The following SPTBN5 variants were observed in gnomAD, a reference collection of about 807,000 sequenced individuals.
The protein encoded by SPTBN5 is spectrin beta chain, non-erythrocytic 5.
A neutral mutation model predicts 477.6 loss-of-function variants in SPTBN5; 513 were observed. That is an observed-to-expected ratio of 1.07 (90% CI 1.00 to 1.16). The LOEUF is 1.16. Ranked by LOEUF, SPTBN5 falls within the 50% of genes most tolerant of loss-of-function variation. SPTBN5 has a pLI of 0.00. For synonymous variants in SPTBN5, 2,169 were observed against 2,011.7 expected (o/e 1.08, Z -2.09); for missense variants, 5,062 against 4,731.8 (o/e 1.07, Z -2.05).
At chr15:41,858,538 G>T (rs1182590585) in intron 49 of SPTBN5, 64 bp downstream of exon 49, 13 of 1,549,246 alleles carry the variant, frequency 8.4e-6, no homozygotes, top group Non-Finnish European at 1.1e-5. Flanking sequence ...CACCAGCTCT[G>T]GGGCACTGTC....
chr15:41,878,632 G>A lies in SPTBN5; in HGVS notation c.3183-3C>T. 2.5e-6 allele frequency: 4 copies of A among 1,608,194 alleles called. No homozygotes were observed. The highest frequency in any genetic ancestry group is 1.1e-5 in the South Asian group (1 of 90,522). On this transcript the variant is annotated splice_region_variant and splice_polypyrimidine_tract_variant and intron_variant, in intron 16 of 67. Coordinates refer to ENST00000320955, the MANE Select transcript of SPTBN5 (RefSeq NM_016642.4). ...CTGCGTAGCCTGGCTCCTCGACCCT[G>A]GGAGACAGGGTGCGCTGCACAGTCA...
At chr15:41,891,525 G>A (rs1052649954) in intron 3 of SPTBN5, among the ~76,000 whole-genome samples, 6 of 138,568 alleles carry the variant, frequency 4.3e-5, no homozygotes, top group Non-Finnish European at 6.2e-5. Context: ...GCGATGTCAC[G>A]CTGGTGGCTT....
Position 41,893,073 on chromosome 15 carries a change from A to G in SPTBN5, c.217-12T>C. Reference sequence around the variant, plus strand: ...ATCTTGATGCCCGCCTGGGGAGGGGACAGGGGTAAGTATGGGGTCAGCCCA... The same window carrying G: ...ATCTTGATGCCCGCCTGGGGAGGGGGCAGGGGTAAGTATGGGGTCAGCCCA... On this transcript the variant is annotated splice_polypyrimidine_tract_variant and intron_variant, in intron 2 of 67. Transcript: ENST00000320955. 1 of 1,609,060 alleles carries G rather than the reference A, an allele frequency of 6.2e-7. No homozygotes were observed. Among genetic ancestry groups the G allele is most frequent in the Non-Finnish European group, 8.5e-7 (1 of 1,179,398 alleles).
At position 41,882,160 on chromosome 15, in the gene SPTBN5, CG is replaced by C. The variant is rs1267236289; in HGVS notation, c.2248-16del. On this transcript the variant is annotated splice_polypyrimidine_tract_variant and intron_variant, in intron 11 of 67. Coordinates refer to ENST00000320955, the MANE Select transcript of SPTBN5 (RefSeq NM_016642.4). Reference sequence around the variant, plus strand: ...TCCGCGAAGTACTGTGGGAGGGGGTCGGGGGTGGTGTGGGTGAAGGGGCGCG... The same window carrying C: ...TCCGCGAAGTACTGTGGGAGGGGGTCGGGGTGGTGTGGGTGAAGGGGCGCG... 3.2e-6 allele frequency: 5 copies of C among 1,558,790 alleles called. No homozygotes were observed. Among genetic ancestry groups the C allele is most frequent in the Admixed American group, 1.8e-5 (1 of 55,994 alleles).
chr15:41,849,787 A>C (rs536838510), intron 67 of SPTBN5, 82 bp downstream of exon 67: 1 of 1,092,956 alleles, frequency 9.1e-7, no homozygotes, highest in South Asian at 1.3e-5. Context: ...GAGGCCCAGA[A>C]CCTCAGGCTT....
rs1245191979 is a variant in SPTBN5, at chr15:41,868,521, GC to G, written c.5933del (p.Gly1978AlafsTer3). 8 of 1,609,142 alleles carry G rather than the reference GC, an allele frequency of 5.0e-6. No homozygotes were observed. Among genetic ancestry groups the G allele is most frequent in the African/African-American group, 1.3e-5 (1 of 74,926 alleles). ...VEESSQEPSS[G>X]PLKLSAHQWL... Reference sequence around the variant, plus strand: ...ACTGGTGGGCACTGAGCTTCAGCGGGCCACTGCTAGGCTCTTGCGAACTCTC... The same window carrying G: ...ACTGGTGGGCACTGAGCTTCAGCGGGCACTGCTAGGCTCTTGCGAACTCTC... On this transcript the variant is annotated frameshift_variant, in exon 33 of 68. Transcript: ENST00000320955. LOFTEE classifies it high-confidence loss of function.
chr15:41,869,554 G>T (rs1774438949), intron 32 of SPTBN5, among the ~76,000 whole-genome samples: 1 of 152,228 alleles, frequency 6.6e-6, no homozygotes, highest in African/African-American at 2.4e-5. Context: ...TGGGTCTCCA[G>T]TTATGAGCTT....
At position 41,887,166 on chromosome 15, in the gene SPTBN5, T is replaced by C. The variant is rs1311450040; in HGVS notation, c.888+47A>G. ...AGGGCAGGCTTCACGCTTAGGCCTG[T>C]CTGCCTCTGGAGCCCTTGCTCACCC... On this transcript the variant is annotated intron_variant, in intron 6 of 67. Transcript: ENST00000320955. The C allele has an allele frequency of 5.3e-6, 8 of 1,519,738 alleles. No individual in the cohort carries two copies. In the South Asian group the frequency reaches 9.6e-5, roughly 18 times the overall value. 94.1% of individuals were successfully genotyped at this position (1,519,738 alleles called of 1,614,324 possible).
chr15:41,859,583 T>C (rs1404904780), intron 47 of SPTBN5, among the ~76,000 whole-genome samples: 1 of 152,118 alleles, frequency 6.6e-6, no homozygotes, highest in African/African-American at 2.4e-5. Context: ...TGTGACCTTA[T>C]GAGAGGAGGC....
chr15:41,858,526 A>AG (rs2065994352), intron 49 of SPTBN5, 76 bp downstream of exon 49: 1 of 1,511,356 alleles, frequency 6.6e-7, no homozygotes, highest in East Asian at 2.4e-5. Flanking sequence ...ACTGTGGTTC[A>AG]GCACCAGCTC....
chr15:41,849,606 A>G (rs1478805633), intron 67 of SPTBN5, among the ~76,000 whole-genome samples: 1 of 152,142 alleles, frequency 6.6e-6, no homozygotes, highest in Admixed American at 6.5e-5. Context: ...GAGCCTGGGC[A>G]GCTTCGTCTA....
chr15:41,853,381 A>C lies in SPTBN5; in HGVS notation c.10047T>G (p.Ala3349=). 1 of 1,607,760 alleles carries C rather than the reference A, an allele frequency of 6.2e-7. No homozygotes were observed. The highest frequency in any genetic ancestry group is 8.5e-7 in the Non-Finnish European group (1 of 1,176,326). ...CTTCATGCTGCCCAAGGAGCTGCTCAGCCCCCGCCACGTCCTCAGCCAGCT... is the reference window on the plus strand; with the variant it reads ...CTTCATGCTGCCCAAGGAGCTGCTCCGCCCCCGCCACGTCCTCAGCCAGCT... ...SEELAEDVAG[A]EQLLGQHEEL... The change falls in exon 59 of 68, where the codon GCT becomes GCG. Residue 3349 remains alanine (A), a synonymous_variant. Coordinates refer to ENST00000320955, the MANE Select transcript of SPTBN5 (RefSeq NM_016642.4).
intron 64 of SPTBN5, 46 bp downstream of exon 64, chr15:41,851,237 C>T (rs376951880): frequency 7.1e-6 from 11 of 1,556,666 alleles, no homozygotes; most frequent in Non-Finnish European, 9.6e-6. Context: ...CTCTGCCTTG[C>T]TTCCCAGCAC....
chr15:41,848,609 G>T lies in SPTBN5; in HGVS notation c.*7C>A, dbSNP rs1461846658. Reference sequence around the variant, plus strand: ...CCCTGAAGTTTGGTGTTGCACTGGGGTTCACCTCAGGGATCAGACCTGTTG... The same window carrying T: ...CCCTGAAGTTTGGTGTTGCACTGGGTTTCACCTCAGGGATCAGACCTGTTG... On this transcript the variant is annotated 3_prime_UTR_variant, in exon 68 of 68. Transcript: ENST00000320955. The T allele has an allele frequency of 2.5e-6, 4 of 1,613,912 alleles. No individual in the cohort carries two copies. Among genetic ancestry groups the T allele is most frequent in the Non-Finnish European group, 3.4e-6 (4 of 1,179,826 alleles).
chr15:41,875,570 G>T lies in SPTBN5; in HGVS notation c.4175C>A (p.Thr1392Asn). The change falls in exon 22 of 68, where the codon ACC (threonine) becomes AAC (asparagine). Residue 1392 changes from threonine (T) to asparagine (N), a missense_variant. By Grantham distance (65) the Thr-to-Asn change is moderately conservative. Transcript: ENST00000320955. ...RRPCGQEDIQ[T>N]RLQGLRSKWE... ...CTTGCTTCTCAGGCCTTGAAGCCTGGTCTGTATGTCCTCCTGGCCACAGGG... is the reference window on the plus strand; with the variant it reads ...CTTGCTTCTCAGGCCTTGAAGCCTGTTCTGTATGTCCTCCTGGCCACAGGG... The T allele has an allele frequency of 6.2e-7, 1 of 1,607,504 alleles. No homozygotes were observed. Among genetic ancestry groups the T allele is most frequent in the Non-Finnish European group, 8.5e-7 (1 of 1,177,100 alleles).
In SPTBN5 at chr15:41,881,218, C is replaced by T. The variant is rs370798746; in HGVS notation, c.2474G>A (p.Ser825Asn). ...GTTCCTCAGGCTTTCTCCTGGAGGGCTCAGGGCAGAGTTCACCTGTGTGAC... is the reference window on the plus strand; with the variant it reads ...GTTCCTCAGGCTTTCTCCTGGAGGGTTCAGGGCAGAGTTCACCTGTGTGAC... Reference protein sequence around the residue: ...ASLFTVNSALSPPGESLRNPG... With the variant: ...ASLFTVNSALNPPGESLRNPG... The change falls in exon 13 of 68, where the codon AGC becomes AAC. Residue 825 changes from serine (S) to asparagine (N), a missense_variant. Physicochemically the swap from Ser to Asn is conservative, Grantham distance 46. Transcript: ENST00000320955. The T allele has an allele frequency of 1.9e-6, 3 of 1,610,044 alleles. No individual in the cohort carries two copies. The highest frequency in any genetic ancestry group is 2.7e-5 in the African/African-American group (2 of 74,790).
chr15:41,868,227 G>A lies in SPTBN5; in HGVS notation c.6058-9C>T. ...CGAAGCTCTTCCTGGACCTGGGGAT[G>A]GACACATGAGGAGCCTCAGCTGGGG... is the stretch of plus-strand genomic sequence containing the variant. On this transcript the variant is annotated splice_polypyrimidine_tract_variant and intron_variant, in intron 33 of 67. Coordinates refer to ENST00000320955, the MANE Select transcript of SPTBN5 (RefSeq NM_016642.4). 1 of 1,579,898 alleles carries A rather than the reference G, an allele frequency of 6.3e-7. No individual in the cohort carries two copies. Among genetic ancestry groups the A allele is most frequent in the Non-Finnish European group, 8.6e-7 (1 of 1,163,128 alleles).
rs953568824 is a variant in SPTBN5 at position 41,851,113 on chromosome 15, G to A, written c.10781C>T (p.Ala3594Val). ...ASIALLDLTGARCERLRGRHG... is the reference protein window; with the variant it reads ...ASIALLDLTGVRCERLRGRHG... ...GCGGCCCCGCAGCCTCTCACACCGG[G>A]CTCCCGTGAGGTCAAGGAGGGCTAT... Residue 3594 changes from alanine (A) to valine (V), a missense_variant, in exon 65 of 68, where the codon GCC becomes GTC. Physicochemically the swap from Ala to Val is moderately conservative, Grantham distance 64 (BLOSUM62 0). Transcript: ENST00000320955. The A allele has an allele frequency of 1.4e-5, 22 of 1,613,166 alleles. No individual in the cohort carries two copies. Among genetic ancestry groups the A allele is most frequent in the Non-Finnish European group, 1.7e-5 (20 of 1,179,840 alleles).
At chr15:41,849,730 G>A in intron 67 of SPTBN5, 139 bp downstream of exon 67, 1 of 671,366 alleles carries the variant, frequency 1.5e-6, no homozygotes, top group South Asian at 1.8e-5. Flanking sequence ...GGCAGGGGCA[G>A]CTGAGGGTTC....
Sources: gnomAD v4.1 joint callset for allele counts (sites outside exome capture counted in the v4.1 genomes callset) on GRCh38, gnomAD v4.1.1 for gene constraint, MANE v1.5 for transcripts, NCBI Gene and HGNC (gene_info 2026-07-23, HGNC 2026-07-21) for gene names.